Variants in CNIH3 observed in about 807,000 individuals in gnomAD.
CNIH3 encodes cornichon family AMPA receptor auxiliary protein 3, also known as protein cornichon homolog 3.
CNIH3 carries 14 observed loss-of-function variants against 24.1 expected under a neutral mutation model. That is an observed-to-expected ratio of 0.58 (90% CI 0.38 to 0.91). The LOEUF (loss-of-function observed/expected upper bound fraction) is 0.91. CNIH3 is among the 40% of genes least tolerant of loss of function. The probability of loss-of-function intolerance (pLI) is 0.00; values close to 1 mark genes in which losing one functional copy is unlikely to be tolerated. For synonymous variants in CNIH3, 68 were observed against 73.8 expected (o/e 0.92, Z 0.40); for missense variants, 178 against 196.8 (o/e 0.90, Z 0.57).
In CNIH3 at chr1:224,734,807, G is replaced by T. The variant is rs1689511868; in HGVS notation, c.455+101G>T. ...CGTCCTTTGGGAGATGGCGTGCGAG[G>T]GTGGGAGTCATGGCCATTCAGGTGT... is the stretch of plus-strand genomic sequence containing the variant. On this transcript the variant is annotated intron_variant, in intron 5 of 5. Coordinates refer to ENST00000272133, the MANE Select transcript of CNIH3 (RefSeq NM_152495.2). The T allele has an allele frequency of 3.1e-6, 4 of 1,277,096 alleles. No homozygotes were observed. The Admixed American group carries it at 7.0e-5, about 22-fold the overall frequency. The allele number at this position is 1,277,096 out of a possible 1,614,324, so 79.1% of individuals were successfully genotyped here. A position where few individuals can be genotyped will look rare whatever the true frequency, so the allele number is the denominator to read the frequency against.
intron 3 of CNIH3, among the ~76,000 whole-genome samples, chr1:224,695,381 C>G (rs1687115078): frequency 1.3e-5 from 2 of 151,168 alleles, no homozygotes; most frequent in South Asian, 4.2e-4. Context: ...CACACACACA[C>G]ACACACACAC....
chr1:224,545,044 A>C (rs1679651970), intron 2 of CNIH3, among the ~76,000 whole-genome samples: 1 of 152,224 alleles, frequency 6.6e-6, no homozygotes, highest in South Asian at 2.1e-4. Flanking sequence ...CTTGCCCCTG[A>C]TACCAGAGCA....
At chr1:224,615,019 T>C (rs1262562424), upstream of CNIH3, among the ~76,000 whole-genome samples, 1 of 152,124 alleles carries the variant, frequency 6.6e-6, no homozygotes, top group African/African-American at 2.4e-5. Flanking sequence ...TGTTGGGGCA[T>C]AGTAGAAAGA....
chr1:224,606,939 C>T (rs138100200), intron 3 of CNIH3, among the ~76,000 whole-genome samples: 1 of 152,282 alleles, frequency 6.6e-6, no homozygotes, highest in Non-Finnish European at 1.5e-5. Flanking sequence ...TACTGAATTT[C>T]CTGCCAGTCA....
chr1:224,553,791 G>T (rs1680025958), intron 3 of CNIH3, among the ~76,000 whole-genome samples: 1 of 149,090 alleles, frequency 6.7e-6, no homozygotes, highest in African/African-American at 2.5e-5. Context: ...AAATTATTTG[G>T]CTTTATGTCT....
At chr1:224,664,777 C>G (rs1360592977) in intron 1 of CNIH3, 1 of 152,102 alleles carries the variant, frequency 6.6e-6, no homozygotes, top group African/African-American at 2.4e-5. Flanking sequence ...CTCTGTCGCC[C>G]AAGCTGGAGC....
At chr1:224,511,141 C>T (rs1371633229), upstream of CNIH3, among the ~76,000 whole-genome samples, 2 of 152,178 alleles carry the variant, frequency 1.3e-5, no homozygotes, top group South Asian at 2.1e-4. Flanking sequence ...AGAATGGGAG[C>T]GGCAGATGCT....
Position 224,739,472 on chromosome 1 carries a change from C to T in CNIH3, c.*116C>T, listed in dbSNP as rs1240375134. On this transcript the variant is annotated 3_prime_UTR_variant, in exon 6 of 6. Transcript: ENST00000272133. Reference sequence around the variant, plus strand: ...AATGAGGATACGTGAGAAATAGACCCGGCAGGCAGTCAGACTGAATGGGAG... The same window carrying T: ...AATGAGGATACGTGAGAAATAGACCTGGCAGGCAGTCAGACTGAATGGGAG... 55 of 1,549,914 alleles carry T rather than the reference C, an allele frequency of 3.5e-5. No individual in the cohort carries two copies. The highest frequency in any genetic ancestry group is 1.7e-4 in the Admixed American group (8 of 47,426).
At chr1:224,720,089 T>TTGA (rs749852397) in intron 3 of CNIH3, among the ~76,000 whole-genome samples, 68 of 152,210 alleles carry the variant, frequency 4.5e-4, no homozygotes, top group Non-Finnish European at 6.2e-4. Context: ...TAAATATTAA[T>TTGA]TGATGATGAT....
intron 3 of CNIH3, among the ~76,000 whole-genome samples, chr1:224,724,426 C>G (rs893871285): frequency 6.6e-6 from 1 of 152,158 alleles, no homozygotes; most frequent in African/African-American, 2.4e-5. Context: ...GCAAAGGGGC[C>G]CAGAATGTAG....
At chr1:224,696,357 A>G (rs1172583119) in intron 3 of CNIH3, among the ~76,000 whole-genome samples, 1 of 152,236 alleles carries the variant, frequency 6.6e-6, no homozygotes, top group African/African-American at 2.4e-5. Context: ...AAATGGCAGA[A>G]TCTAGTCTTG....
chr1:224,627,250 G>A (rs564372452), intron 1 of CNIH3, among the ~76,000 whole-genome samples: 1 of 151,892 alleles, frequency 6.6e-6, no homozygotes, highest in Non-Finnish European at 1.5e-5. Flanking sequence ...GTTTTGAGAC[G>A]AGGTCTGGCT....
chr1:224,581,567 A>G (rs919181875), intron 4 of CNIH3, among the ~76,000 whole-genome samples: 1 of 152,232 alleles, frequency 6.6e-6, no homozygotes, highest in Non-Finnish European at 1.5e-5. Context: ...GAAGAGCCCA[A>G]AGCGTGTTGG....
chr1:224,515,179 T>A (rs573472506), upstream of CNIH3, among the ~76,000 whole-genome samples: 56 of 152,286 alleles, frequency 3.7e-4, no homozygotes, highest in African/African-American at 1.3e-3. Flanking sequence ...TGGGCGGGGG[T>A]CTAGGCTATT....
In CNIH3 at chr1:224,478,366, C is replaced by T. The variant is rs543531250; in HGVS notation, n.204-37375C>T. Among the ~76,000 whole-genome samples the T allele has an allele frequency of 5.3e-5, 8 of 152,076 alleles. No homozygotes were observed. In the South Asian group the frequency reaches 1.2e-3, roughly 24 times the overall value. ...TCATTCTTTTTTATTTTGTCTCCTC[C>T]GTGTATTTTCAAATAGCTTCTTCTC... On this transcript the variant is annotated intron_variant and non_coding_transcript_variant, in intron 1 of 5. Coordinates refer to the CNIH3 transcript ENST00000471578.
intron 3 of CNIH3, among the ~76,000 whole-genome samples, chr1:224,720,773 A>C (rs1219963130): frequency 6.6e-6 from 1 of 152,202 alleles, no homozygotes; most frequent in Non-Finnish European, 1.5e-5. Flanking sequence ...AGGTTTAAAA[A>C]GAGACTGGCA....
chr1:224,463,821 C>T lies in CNIH3; in HGVS notation n.203+28959C>T, dbSNP rs561444864. On this transcript the variant is annotated intron_variant and non_coding_transcript_variant, in intron 1 of 5. Transcript: ENST00000471578. ...TTTTTTTTTTTTTTAGAGGGAGTCT[C>T]GCTCTGTCGCCCAGGCTGGAGTGCA... Among the ~76,000 whole-genome samples the T allele has an allele frequency of 5.1e-4, 50 of 97,496 alleles. No individual in the cohort carries two copies. The Middle Eastern group carries it at 0.061, about 119-fold the overall frequency. 64.0% of individuals were successfully genotyped at this position (97,496 alleles called of 152,430 possible). A position where few individuals can be genotyped will look rare whatever the true frequency, so the allele number is the denominator to read the frequency against.
At chr1:224,649,025 T>C (rs551090059) in intron 1 of CNIH3, among the ~76,000 whole-genome samples, 5 of 152,328 alleles carry the variant, frequency 3.3e-5, no homozygotes. Flanking sequence ...CAGTGGTGGC[T>C]CCTTCCTTAT....
intron 3 of CNIH3, among the ~76,000 whole-genome samples, chr1:224,703,000 T>C (rs1414125037): frequency 6.6e-6 from 1 of 152,158 alleles, no homozygotes; most frequent in Non-Finnish European, 1.5e-5. Flanking sequence ...ACCTCATCAT[T>C]GAATTGGAAA....
Sources: allele counts gnomAD v4.1 joint callset (sites outside exome capture counted in the v4.1 genomes callset), GRCh38; gene constraint gnomAD v4.1.1; transcripts MANE v1.5; gene names NCBI Gene and HGNC (gene_info 2026-07-23, HGNC 2026-07-21).